TUSC3: variants seen among roughly 807,000 people sequenced by gnomAD.
TUSC3 encodes dolichyl-diphosphooligosaccharide--protein glycosyltransferase subunit TUSC3.
Under a neutral mutation model 44.8 loss-of-function variants are expected in TUSC3, and 45 were observed. The observed-to-expected ratio is 1.00, with a 90% CI of 0.79 to 1.29. The LOEUF is 1.29. Among genes scored for constraint, TUSC3 ranks in the 50% most tolerant of loss-of-function variants. The pLI is 0.00. For missense variants in TUSC3, 519 were observed against 437.9 expected (o/e 1.19, Z -1.65); for synonymous variants, 212 against 152.9 (o/e 1.39, Z -2.85).
intron 2 of TUSC3, among the ~76,000 whole-genome samples, chr8:15,500,759 T>A (rs992965815): frequency 6.6e-6 from 1 of 152,176 alleles, no homozygotes; most frequent in Admixed American, 6.5e-5. Context: ...ATAAATCATT[T>A]AGCAAAGTTT....
At chr8:15,427,079 G>GTTT (rs56268327) in intron 1 of TUSC3, among the ~76,000 whole-genome samples, 57 of 143,268 alleles carry the variant, frequency 4.0e-4, no homozygotes, top group Non-Finnish European at 7.5e-4. Context: ...TTTGGTGTTT[G>GTTT]TTTTTTTTTT....
the TUSC3 span, among the ~76,000 whole-genome samples, chr8:15,832,079 G>T: frequency 7.9e-5 from 12 of 152,276 alleles, no homozygotes; most frequent in South Asian, 2.5e-3. Flanking sequence ...AAGCCCATCA[G>T]ACTAACAGTG....
intron 8 of TUSC3, among the ~76,000 whole-genome samples, chr8:15,747,642 A>C (rs1033392733): frequency 2.0e-5 from 3 of 152,090 alleles, no homozygotes; most frequent in African/African-American, 7.2e-5. Flanking sequence ...CATACTAAAA[A>C]GGAAATGAGA....
At chr8:15,469,635 A>G (rs1587099) in intron 1 of TUSC3, among the ~76,000 whole-genome samples, 94,973 of 152,094 alleles carry the variant, frequency 0.62, 30,274 homozygotes, top group East Asian at 0.77. Flanking sequence ...TTCAACAGTT[A>G]TGCTCCTTGG....
At chr8:15,802,734 C>T in the TUSC3 span, among the ~76,000 whole-genome samples, 1 of 151,514 alleles carries the variant, frequency 6.6e-6, no homozygotes, top group South Asian at 2.1e-4. Context: ...GTCTAAGGAA[C>T]ATTAATCAGA....
At chr8:15,445,983 C>G (rs950405158) in intron 1 of TUSC3, among the ~76,000 whole-genome samples, 7 of 148,796 alleles carry the variant, frequency 4.7e-5, no homozygotes, top group Non-Finnish European at 8.9e-5. Flanking sequence ...GGCAGCTGCC[C>G]GGCGGAGACG....
chr8:15,450,106 G>A (rs1417705344), intron 1 of TUSC3, among the ~76,000 whole-genome samples: 6 of 152,116 alleles, frequency 3.9e-5, no homozygotes, highest in African/African-American at 1.4e-4. Context: ...GACACATGAC[G>A]ACTGTATGTT....
At chr8:15,536,724 AGAATGCAG>A (rs1229721536), upstream of TUSC3, among the ~76,000 whole-genome samples, 4 of 126,726 alleles carry the variant, frequency 3.2e-5, no homozygotes, top group Non-Finnish European at 5.0e-5. Context: ...AAAAAAAAAA[AGAATGCAG>A]GAAGGCAGGA....
At chr8:15,678,640 T>A (rs1431063194) in intron 6 of TUSC3, among the ~76,000 whole-genome samples, 1 of 152,218 alleles carries the variant, frequency 6.6e-6, no homozygotes, top group East Asian at 1.9e-4. Flanking sequence ...TTTCACATTT[T>A]AACAAGTCTT....
intron 6 of TUSC3, among the ~76,000 whole-genome samples, chr8:15,725,058 G>A (rs1810448704): frequency 6.6e-6 from 1 of 152,072 alleles, no homozygotes; most frequent in South Asian, 2.1e-4. Flanking sequence ...TTTACTTAAT[G>A]TTATAAATGG....
intron 2 of TUSC3, among the ~76,000 whole-genome samples, chr8:15,506,145 A>G (rs1187391806): frequency 6.6e-6 from 1 of 152,166 alleles, no homozygotes; most frequent in African/African-American, 2.4e-5. Flanking sequence ...ACCAGAACAC[A>G]CAGTATATTA....
At chr8:15,785,315 T>G in the TUSC3 span, among the ~76,000 whole-genome samples, 1 of 152,202 alleles carries the variant, frequency 6.6e-6, no homozygotes, top group Non-Finnish European at 1.5e-5. Context: ...CACCCACATA[T>G]TGGTACAACC....
intron 2 of TUSC3, among the ~76,000 whole-genome samples, chr8:15,496,750 C>T (rs149325060): frequency 5.7e-4 from 87 of 152,258 alleles, no homozygotes; most frequent in Middle Eastern, 3.4e-3. Flanking sequence ...ACAGGGAGAG[C>T]TGGGTCGTTT....
rs768324224 is a variant in TUSC3 at position 15,561,035 on chromosome 8, C to G, written c.138+20467C>G. The stretch of plus-strand genomic sequence containing the variant: ...AGTCATTCTCCATCCAGCTTTGTTC[C>G]GTTGTTGGTGAGGAACTGCGTTCCT... On this transcript the variant is annotated intron_variant, in intron 1 of 10. Coordinates refer to ENST00000503731, the MANE Select transcript of TUSC3 (RefSeq NM_006765.4). Among the ~76,000 whole-genome samples the G allele has an allele frequency of 1.7e-3, 229 of 132,884 alleles. 1 individual carries two copies. Among genetic ancestry groups the G allele is most frequent in the Middle Eastern group, 3.6e-3 (1 of 274 alleles). 87.2% of individuals were successfully genotyped at this position (132,884 alleles called of 152,430 possible).
rs75421534 is a variant in TUSC3, at chr8:15,520,862, C to G, written n.189+37379C>G. ...AAATTGAAGTTCCTGTCCTTATAGT[C>G]TCAGCGGGAGAAATAGAAGCAAACC... On this transcript the variant is annotated intron_variant and non_coding_transcript_variant, in intron 2 of 5. Transcript: ENST00000503191. 9.3e-3 allele frequency among the ~76,000 whole-genome samples: 1,416 copies of G among 152,276 alleles called. 22 individuals carry two copies. The highest frequency in any genetic ancestry group is 0.032 in the African/African-American group (1,339 of 41,544).
chr8:15,828,110 T>G, the TUSC3 span, among the ~76,000 whole-genome samples: 2 of 151,130 alleles, frequency 1.3e-5, no homozygotes, highest in African/African-American at 4.9e-5. Flanking sequence ...CTCTCCTGCC[T>G]CAGCCACTCA....
At chr8:15,552,197 T>C (rs1411782266) in intron 1 of TUSC3, among the ~76,000 whole-genome samples, 3 of 151,864 alleles carry the variant, frequency 2.0e-5, no homozygotes, top group Non-Finnish European at 2.9e-5. Flanking sequence ...AAAATAAATA[T>C]ATTGGAGTAT....
chr8:15,435,017 G>C (rs1799927624), intron 1 of TUSC3, among the ~76,000 whole-genome samples: 1 of 148,190 alleles, frequency 6.7e-6, no homozygotes, highest in Non-Finnish European at 1.5e-5. Context: ...TGTCTTTATA[G>C]CAGCATGATT....
intron 1 of TUSC3, among the ~76,000 whole-genome samples, chr8:15,608,348 A>T (rs1449167492): frequency 6.6e-6 from 1 of 152,126 alleles, no homozygotes; most frequent in Non-Finnish European, 1.5e-5. Flanking sequence ...TTTGTAAACA[A>T]TAAATTCCAA....
Sources: gnomAD v4.1 joint callset for allele counts (sites outside exome capture counted in the v4.1 genomes callset) on GRCh38, gnomAD v4.1.1 for gene constraint, MANE v1.5 for transcripts, NCBI Gene and HGNC (gene_info 2026-07-23, HGNC 2026-07-21) for gene names.